The following MPP7 variants were observed in gnomAD, a reference collection of about 807,000 sequenced individuals.
MPP7 encodes the protein MAGUK p55 scaffold protein 7.
A neutral mutation model predicts 76.5 loss-of-function variants in MPP7; 60 were observed. That is an observed-to-expected ratio of 0.78 (90% CI 0.64 to 0.97). The LOEUF (loss-of-function observed/expected upper bound fraction) is 0.97. MPP7 is among the 50% of genes least tolerant of loss of function. The pLI is 0.00. For missense variants in MPP7, 641 were observed against 694.0 expected (o/e 0.92, Z 0.86); for synonymous variants, 237 against 244.5 (o/e 0.97, Z 0.29).
intron 1 of MPP7, among the ~76,000 whole-genome samples, chr10:28,261,602 T>C (rs1839951406): frequency 6.6e-6 from 1 of 152,064 alleles, no homozygotes; most frequent in Non-Finnish European, 1.5e-5. Flanking sequence ...GACCCCAGAG[T>C]ACACAGAGTG....
chr10:28,187,490 G>A (rs1280808785), intron 3 of MPP7, among the ~76,000 whole-genome samples: 4 of 152,146 alleles, frequency 2.6e-5, no homozygotes, highest in Non-Finnish European at 5.9e-5. Flanking sequence ...TGTCAGACCA[G>A]GTGGCCATGG....
At chr10:28,202,024 C>T in intron 3 of MPP7, 129 bp downstream of exon 3, 3 of 681,004 alleles carry the variant, frequency 4.4e-6, no homozygotes, top group Non-Finnish European at 5.3e-6. Flanking sequence ...CTTCCACGCC[C>T]GTCGGTGAAT....
intron 3 of MPP7, among the ~76,000 whole-genome samples, chr10:28,186,557 A>T (rs889917147): frequency 6.6e-6 from 1 of 152,208 alleles, no homozygotes; most frequent in African/African-American, 2.4e-5. Context: ...TTTGCTGCCA[A>T]TGGTTCTACA....
At chr10:28,264,341 G>A (rs986451394) in intron 1 of MPP7, among the ~76,000 whole-genome samples, 2 of 151,996 alleles carry the variant, frequency 1.3e-5, no homozygotes, top group Admixed American at 6.6e-5. Flanking sequence ...AGCAGCAACA[G>A]GGACAAAGAG....
chr10:28,246,134 A>T (rs1362521485), intron 1 of MPP7, among the ~76,000 whole-genome samples: 1 of 152,172 alleles, frequency 6.6e-6, no homozygotes, highest in Non-Finnish European at 1.5e-5. Flanking sequence ...GATAAAGCCA[A>T]AGATACTCAT....
At chr10:28,260,495 C>T (rs1281790188) in intron 1 of MPP7, among the ~76,000 whole-genome samples, 1 of 151,918 alleles carries the variant, frequency 6.6e-6, no homozygotes, top group Non-Finnish European at 1.5e-5. Flanking sequence ...TGTTTCTGGC[C>T]AGGCATGGTG....
At chr10:28,234,778 G>C (rs1285172149) in intron 2 of MPP7, among the ~76,000 whole-genome samples, 2 of 151,336 alleles carry the variant, frequency 1.3e-5, no homozygotes, top group African/African-American at 4.9e-5. Flanking sequence ...ATCAAGGAAA[G>C]TCTTTTGGAT....
intron 11 of MPP7, among the ~76,000 whole-genome samples, chr10:28,090,540 A>G (rs1297784336): frequency 1.3e-5 from 2 of 152,250 alleles, no homozygotes; most frequent in Non-Finnish European, 2.9e-5. Flanking sequence ...AAATGTAAAC[A>G]ATAAGTTCTC....
intron 16 of MPP7, 29 bp from the exon 17 acceptor site, chr10:28,054,273 T>C: frequency 7.1e-7 from 1 of 1,414,910 alleles, no homozygotes; most frequent in Admixed American, 2.1e-5. Flanking sequence ...AAAAAATAAT[T>C]GGTTAACCAG....
Position 28,313,853 on chromosome 10 carries a change from A to ATTTTTT in MPP7, c.-132+16070_-132+16075dup, listed in dbSNP as rs1192149562. ...AGGTGTGTGCCACTATACCTGGCTAATTTTTTTTTTTTTATTTTTTTTATT... is the reference window on the plus strand; with the variant it reads ...AGGTGTGTGCCACTATACCTGGCTAATTTTTTTTTTTTTTTTTTTATTTTTTTTATT... On this transcript the variant is annotated intron_variant, in intron 2 of 11. Transcript: ENST00000441595. Among the ~76,000 whole-genome samples the ATTTTTT allele has an allele frequency of 9.2e-4, 30 of 32,672 alleles. 8 individuals carry two copies. The highest frequency in any genetic ancestry group is 1.6e-3 in the Admixed American group (4 of 2,490). 21.4% of individuals were successfully genotyped at this position (32,672 alleles called of 152,430 possible).
At chr10:28,293,329 T>C (rs978116231) in intron 1 of MPP7, among the ~76,000 whole-genome samples, 2 of 152,218 alleles carry the variant, frequency 1.3e-5, no homozygotes, top group Non-Finnish European at 2.9e-5. Context: ...AGTAATCAGA[T>C]AGCTGCAAAT....
chr10:28,089,896 T>TAA, intron 11 of MPP7, 55 bp from the exon 12 acceptor site: 2 of 812,190 alleles, frequency 2.5e-6, no homozygotes, highest in Admixed American at 3.0e-5. Flanking sequence ...AAAGAAACCC[T>TAA]CAAAAAAAAA....
chr10:28,205,722 C>G (rs1244253522), intron 2 of MPP7, among the ~76,000 whole-genome samples: 1 of 152,120 alleles, frequency 6.6e-6, no homozygotes, highest in East Asian at 1.9e-4. Context: ...GGGAAGTGGT[C>G]AATTCCTGCA....
intron 12 of MPP7, among the ~76,000 whole-genome samples, chr10:28,082,520 A>C (rs1225895015): frequency 6.6e-6 from 1 of 151,956 alleles, no homozygotes; most frequent in African/African-American, 2.4e-5. Flanking sequence ...GCAGTGGTAT[A>C]ACCACAGCTC....
chr10:28,135,910 C>A (rs1202689986), intron 5 of MPP7, among the ~76,000 whole-genome samples: 1 of 152,146 alleles, frequency 6.6e-6, no homozygotes, highest in Non-Finnish European at 1.5e-5. Context: ...CTGTTAGGAA[C>A]CAGGCCACAC....
At chr10:28,273,108 G>A (rs1840380136) in intron 1 of MPP7, among the ~76,000 whole-genome samples, 1 of 152,048 alleles carries the variant, frequency 6.6e-6, no homozygotes. Context: ...AGTAGAGATG[G>A]GGTTTCACCA....
chr10:28,229,182 A>T (rs1471389916), intron 2 of MPP7, among the ~76,000 whole-genome samples: 1 of 152,246 alleles, frequency 6.6e-6, no homozygotes, highest in African/African-American at 2.4e-5. Context: ...ACCTAGACAC[A>T]GAATAGTGAA....
chr10:28,158,232 C>T (rs1368633441), intron 3 of MPP7, among the ~76,000 whole-genome samples: 1 of 152,086 alleles, frequency 6.6e-6, no homozygotes, highest in Non-Finnish European at 1.5e-5. Context: ...AAGAAAAACT[C>T]CAAACAGCTG....
chr10:28,258,113 C>T (rs1383308635), intron 1 of MPP7, among the ~76,000 whole-genome samples: 1 of 151,834 alleles, frequency 6.6e-6, no homozygotes, highest in East Asian at 1.9e-4. Flanking sequence ...AGGTAGGTTA[C>T]ACCTCCATTC....
Sources: allele counts gnomAD v4.1 joint callset (sites outside exome capture counted in the v4.1 genomes callset), GRCh38; gene constraint gnomAD v4.1.1; transcripts MANE v1.5; gene names NCBI Gene and HGNC (gene_info 2026-07-23, HGNC 2026-07-21).